The following NSA2 variants were observed in gnomAD, a reference collection of about 807,000 sequenced individuals.
The protein encoded by NSA2 is NSA2 ribosome biogenesis factor, also known as ribosome biogenesis protein NSA2 homolog.
NSA2 carries 18 observed loss-of-function variants against 34.8 expected under a neutral mutation model. The observed-to-expected ratio is 0.52, with a 90% CI of 0.36 to 0.77. The LOEUF is 0.77. Among genes scored for constraint, NSA2 ranks in the 30% least tolerant of loss-of-function variants. The pLI is 0.00. For synonymous variants in NSA2, 79 were observed against 100.2 expected (o/e 0.79, Z 1.26); for missense variants, 188 against 314.7 (o/e 0.60, Z 3.05).
rs941949714 is a variant in NSA2, at chr5:74,774,798, A to G, written c.715+738A>G. 4.6e-5 allele frequency among the ~76,000 whole-genome samples: 7 copies of G among 152,336 alleles called. No homozygotes were observed. The East Asian group carries it at 1.3e-3, about 29-fold the overall frequency. On this transcript the variant is annotated intron_variant, in intron 5 of 5. Transcript: ENST00000610426. Reference sequence around the variant, plus strand: ...CCAATGACTAAAGATGTCTTCCGTAAGAAAAAATTTCTTTTGCCACAACTT... The same window carrying G: ...CCAATGACTAAAGATGTCTTCCGTAGGAAAAAATTTCTTTTGCCACAACTT...
At chr5:74,774,405 C>T (rs1329671722) in intron 5 of NSA2, among the ~76,000 whole-genome samples, 1 of 151,890 alleles carries the variant, frequency 6.6e-6, no homozygotes, top group East Asian at 1.9e-4. Flanking sequence ...AGTTTGAGAC[C>T]AGCCTGGCCA....
rs770950512 is a variant in NSA2 at position 74,767,331 on chromosome 5, G to A, written c.-30G>A. 6.2e-7 allele frequency: 1 copy of A among 1,613,382 alleles called. No individual in the cohort carries two copies. Among genetic ancestry groups the A allele is most frequent in the Non-Finnish European group, 8.5e-7 (1 of 1,179,580 alleles). Reference sequence around the variant, plus strand: ...TTGAGAGCGTTTTCGCACTCCAGCGGCTGCTCCTGGCGGCTCTGCGGCCGT... The same window carrying A: ...TTGAGAGCGTTTTCGCACTCCAGCGACTGCTCCTGGCGGCTCTGCGGCCGT... On this transcript the variant is annotated 5_prime_UTR_variant, in exon 1 of 6. Coordinates refer to ENST00000610426, the MANE Select transcript of NSA2 (RefSeq NM_014886.6).
Position 74,773,992 on chromosome 5 carries a change from A to T in NSA2, c.647A>T (p.Lys216Ile). Residue 216 changes from lysine to isoleucine, a missense_variant, in exon 5 of 6, where the codon AAA becomes ATA. Lys to Ile is a moderately radical substitution (Grantham distance 102). Coordinates refer to ENST00000610426, the MANE Select transcript of NSA2 (RefSeq NM_014886.6). ...PLYTTLGVIT[K>I]GTVIEVNVSE... is the part of the protein sequence containing the mutation. ...TATACAACTTTGGGTGTTATTACCA[A>T]AGGTACTGTCATTGAAGTAAATGTG... 1 of 1,614,112 alleles carries T rather than the reference A, an allele frequency of 6.2e-7. No homozygotes were observed. The highest frequency in any genetic ancestry group is 8.5e-7 in the Non-Finnish European group (1 of 1,179,984).
intron 5 of NSA2, among the ~76,000 whole-genome samples, chr5:74,774,372 C>A (rs1042003769): frequency 2.6e-5 from 4 of 152,114 alleles, no homozygotes; most frequent in African/African-American, 9.7e-5. Context: ...GAGGCTGAGG[C>A]GGGTGGATCA....
chr5:74,773,148 C>A (rs1311085394), intron 4 of NSA2, among the ~76,000 whole-genome samples: 2 of 152,120 alleles, frequency 1.3e-5, no homozygotes, highest in Non-Finnish European at 2.9e-5. Flanking sequence ...ATTTAACCTG[C>A]TGATCCTTGT....
intron 5 of NSA2, among the ~76,000 whole-genome samples, chr5:74,776,115 A>G (rs145556921): frequency 1.1e-3 from 174 of 152,312 alleles, no homozygotes; most frequent in African/African-American, 4.2e-3. Flanking sequence ...TGTATTCAGA[A>G]CTCAAATTTG....
chr5:74,769,397 T>G (rs1293737434), intron 3 of NSA2, 33 bp downstream of exon 3: 2 of 1,542,262 alleles, frequency 1.3e-6, no homozygotes, highest in Non-Finnish European at 1.7e-6. Context: ...TTTGTTTTGT[T>G]TAGGAGAATT....
chr5:74,773,847 A>C (rs765111425), intron 4 of NSA2, 21 bp from the exon 5 acceptor site: 52 of 1,596,034 alleles, frequency 3.3e-5, no homozygotes, highest in Non-Finnish European at 3.2e-5. Flanking sequence ...AAACATTCTT[A>C]TGTTGTGTTT....
rs937301869 is a variant in NSA2 at position 74,777,300 on chromosome 5, A to G, written c.*629A>G. 2 of 152,128 alleles carry G rather than the reference A, an allele frequency of 1.3e-5. No individual in the cohort carries two copies. The highest frequency in any genetic ancestry group is 4.8e-5 in the African/African-American group (2 of 41,444). 9.4% of individuals were successfully genotyped at this position (152,128 alleles called of 1,614,324 possible). ...ATCATGAAAATGAAAAAAATATACT[A>G]AAGTCTTTGTACTCTCTTAGCATTT... On this transcript the variant is annotated 3_prime_UTR_variant, in exon 6 of 6. Transcript: ENST00000610426.
chr5:74,770,769 A>G lies in NSA2; in HGVS notation c.481A>G (p.Thr161Ala). The change falls in exon 4 of 6, where the codon ACA (threonine) becomes GCA (alanine). Residue 161 changes from threonine to alanine, a missense_variant. By Grantham distance (58) the Thr-to-Ala change is moderately conservative. Transcript: ENST00000610426. Reference protein sequence around the residue: ...TKVCFVGDGFTRKPPKYERFI... With the variant: ...TKVCFVGDGFARKPPKYERFI... ...AGTGTGCTTTGTTGGAGATGGCTTT[A>G]CAAGAAAACCACCTAAATATGAAAG... 1 of 1,611,752 alleles carries G rather than the reference A, an allele frequency of 6.2e-7. No homozygotes were observed. Among genetic ancestry groups the G allele is most frequent in the East Asian group, 2.2e-5 (1 of 44,798 alleles).
Position 74,780,012 on chromosome 5 carries a change from T to A in NSA2, c.*3341T>A, listed in dbSNP as rs188306499. ...AACATTCTCCAACTTAAGTGCAAAT[T>A]TGAGTACACATAATATTTCCAAAGA... On this transcript the variant is annotated 3_prime_UTR_variant, in exon 6 of 6. Transcript: ENST00000610426. 82 of 152,308 alleles carry A rather than the reference T, an allele frequency of 5.4e-4. 1 individual carries two copies. The highest frequency in any genetic ancestry group is 1.9e-3 in the African/African-American group (79 of 41,564). 9.4% of individuals were successfully genotyped at this position (152,308 alleles called of 1,614,324 possible).
At chr5:74,773,470 CAAAAAAAA>C (rs768356175) in intron 4 of NSA2, among the ~76,000 whole-genome samples, 3 of 98,996 alleles carry the variant, frequency 3.0e-5, no homozygotes, top group South Asian at 3.3e-4. Flanking sequence ...CCATCTCTAC[CAAAAAAAA>C]AAAAAAAAAA....
At chr5:74,775,535 T>C (rs1745082016) in intron 5 of NSA2, among the ~76,000 whole-genome samples, 1 of 150,360 alleles carries the variant, frequency 6.7e-6, no homozygotes, top group South Asian at 2.1e-4. Context: ...GAGAATCACA[T>C]GAACCTGGAG....
rs374426323 is a variant in NSA2 at position 74,769,020 on chromosome 5, G to A, written c.93G>A (p.Glu31=). Residue 31 remains glutamate, a synonymous_variant, in exon 2 of 6, where the codon GAG becomes GAA. Transcript: ENST00000610426. The part of the protein sequence containing the change: ...HEKKRKKESR[E]AHERSKKAKK... ...AAAAGAGAAAGAAGGAAAGTCGAGAGGCTCATGAACGTTCAAAGAAGGCAA... is the reference window on the plus strand; with the variant it reads ...AAAAGAGAAAGAAGGAAAGTCGAGAAGCTCATGAACGTTCAAAGAAGGCAA... 3.1e-6 allele frequency: 5 copies of A among 1,611,712 alleles called. No individual in the cohort carries two copies. The African/African-American group carries it at 5.3e-5, about 17-fold the overall frequency.
At chr5:74,770,373 T>A (rs1270081990) in intron 3 of NSA2, among the ~76,000 whole-genome samples, 2 of 151,990 alleles carry the variant, frequency 1.3e-5, no homozygotes, top group Non-Finnish European at 2.9e-5. Flanking sequence ...CAGGTGGTAT[T>A]TTCTCACCCA....
chr5:74,774,882 C>A (rs541523412), intron 5 of NSA2, among the ~76,000 whole-genome samples: 2 of 152,230 alleles, frequency 1.3e-5, no homozygotes, highest in South Asian at 4.1e-4. Context: ...ATACCTATTA[C>A]ATTTAAAGAA....
chr5:74,767,988 G>A (rs1041323719), intron 1 of NSA2, among the ~76,000 whole-genome samples: 1 of 152,186 alleles, frequency 6.6e-6, no homozygotes, highest in African/African-American at 2.4e-5. Flanking sequence ...TGCTGGACTT[G>A]GCTTTGTATC....
Position 74,770,643 on chromosome 5 carries a change from G to T in NSA2, c.355G>T (p.Val119Phe), listed in dbSNP as rs1399740605. The T allele has an allele frequency of 6.3e-7, 1 of 1,576,518 alleles. No homozygotes were observed. Among genetic ancestry groups the T allele is most frequent in the African/African-American group, 1.4e-5 (1 of 72,772 alleles). Reference sequence around the variant, plus strand: ...GGCATATTTTTAGGGAAAATGGGAAGTCCCTCTGCCTAAAGTACGTGCCCA... The same window carrying T: ...GGCATATTTTTAGGGAAAATGGGAATTCCCTCTGCCTAAAGTACGTGCCCA... ...KRKEKAGKWE[V>F]PLPKVRAQGE... The change falls in exon 4 of 6, where the codon GTC (valine) becomes TTC (phenylalanine). Residue 119 changes from valine to phenylalanine, a missense_variant. Coordinates refer to ENST00000610426, the MANE Select transcript of NSA2 (RefSeq NM_014886.6).
chr5:74,774,634 AATT>A (rs1745052328), intron 5 of NSA2, among the ~76,000 whole-genome samples: 1 of 152,146 alleles, frequency 6.6e-6, no homozygotes, highest in African/African-American at 2.4e-5. Flanking sequence ...TTTTAATAAA[AATT>A]ATTATAAGGG....
Sources: gnomAD v4.1 joint callset for allele counts (sites outside exome capture counted in the v4.1 genomes callset) on GRCh38, gnomAD v4.1.1 for gene constraint, MANE v1.5 for transcripts, NCBI Gene and HGNC (gene_info 2026-07-23, HGNC 2026-07-21) for gene names.